AGTPBP1: variants seen among roughly 807,000 people sequenced by gnomAD.
AGTPBP1 encodes cytosolic carboxypeptidase 1.
Under a neutral mutation model 143.9 loss-of-function variants are expected in AGTPBP1, and 70 were observed. The observed-to-expected ratio is 0.49, with a 90% CI of 0.40 to 0.59. The LOEUF (loss-of-function observed/expected upper bound fraction) is 0.59, where lower values mean the gene tolerates loss of function less well. Ranked by LOEUF, AGTPBP1 falls within the 20% of genes least tolerant of loss-of-function variation. The pLI is 0.00. For synonymous variants in AGTPBP1, 463 were observed against 500.2 expected (o/e 0.93, Z 0.99); for missense variants, 1,229 against 1,464.5 (o/e 0.84, Z 2.62).
the AGTPBP1 span, among the ~76,000 whole-genome samples, chr9:85,755,195 A>G: frequency 1.4e-4 from 22 of 152,158 alleles, no homozygotes; most frequent in African/African-American, 4.8e-4. Context: ...ATTGTATGAT[A>G]GATTTCCAGA....
At position 85,727,385 on chromosome 9, in the gene AGTPBP1, G is replaced by A. The variant is rs115581683; in HGVS notation, c.-34+14390C>T. ...AGTGTTTTCTTCACAGAGAGATGCT[G>A]GTGTCAAAAGCCCTAGGAAAGGAAA... On this transcript the variant is annotated intron_variant, in intron 1 of 25. Transcript: ENST00000357081. 2.6e-3 allele frequency among the ~76,000 whole-genome samples: 401 copies of A among 152,138 alleles called. 3 individuals carry two copies. The highest frequency in any genetic ancestry group is 9.3e-3 in the African/African-American group (388 of 41,508).
intron 11 of AGTPBP1, among the ~76,000 whole-genome samples, chr9:85,654,341 A>G (rs1833356861): frequency 6.6e-6 from 1 of 152,182 alleles, no homozygotes; most frequent in Non-Finnish European, 1.5e-5. Flanking sequence ...ATTATATGGA[A>G]AATGACAAAC....
chr9:85,741,236 C>T, intron 1 of AGTPBP1: 1 of 985,468 alleles, frequency 1.0e-6, no homozygotes, highest in African/African-American at 1.7e-5. Flanking sequence ...CGAGAGGAAG[C>T]AAACGTGCCC....
chr9:85,773,627 C>T, the AGTPBP1 span, among the ~76,000 whole-genome samples: 10 of 151,930 alleles, frequency 6.6e-5, no homozygotes, highest in Admixed American at 2.6e-4. Context: ...CGTGAGCCAC[C>T]GTGCCTGGCC....
chr9:85,697,146 T>G (rs1000514487), intron 2 of AGTPBP1, among the ~76,000 whole-genome samples: 2 of 152,218 alleles, frequency 1.3e-5, no homozygotes, highest in African/African-American at 4.8e-5. Context: ...AACCCAGATA[T>G]GTCTTCTTTG....
chr9:85,743,672 G>A (rs1824519988), upstream of AGTPBP1, among the ~76,000 whole-genome samples: 1 of 152,140 alleles, frequency 6.6e-6, no homozygotes, highest in Non-Finnish European at 1.5e-5. Flanking sequence ...TGAGAGCTCA[G>A]CGGGTGGCAG....
At chr9:85,756,287 A>G in the AGTPBP1 span, 1 of 1,521,784 alleles carries the variant, frequency 6.6e-7, no homozygotes, top group Non-Finnish European at 8.8e-7. Flanking sequence ...TCTGGTTGTA[A>G]ACCACTCCCC....
At chr9:85,794,951 ACTG>A in the AGTPBP1 span, among the ~76,000 whole-genome samples, 1 of 152,184 alleles carries the variant, frequency 6.6e-6, no homozygotes, top group Non-Finnish European at 1.5e-5. Context: ...ACGAAATACA[ACTG>A]CTTTTTATAT....
At chr9:85,640,061 A>G (rs986277480) in intron 13 of AGTPBP1, among the ~76,000 whole-genome samples, 1 of 152,226 alleles carries the variant, frequency 6.6e-6, no homozygotes, top group Non-Finnish European at 1.5e-5. Context: ...TATACAAATG[A>G]AAGTGGAAAA....
At position 85,655,159 on chromosome 9, in the gene AGTPBP1, G is replaced by A; in HGVS notation, c.1071C>T (p.Tyr357=). 1 of 1,613,164 alleles carries A rather than the reference G, an allele frequency of 6.2e-7. No individual in the cohort carries two copies. The highest frequency in any genetic ancestry group is 8.5e-7 in the Non-Finnish European group (1 of 1,179,468). ...TGATCCTACCTTCAGGAGGTAAGCT[G>A]TAGAGCTGAGCCACAGGACCAGTCA... The part of the protein sequence containing the change: ...IPVTGPVAQL[Y]SLPPEVDDVV... The change falls in exon 11 of 26, where the codon TAC becomes TAT. Residue 357 remains tyrosine (Y), a synonymous_variant. Transcript: ENST00000357081.
At chr9:85,587,108 C>A in intron 21 of AGTPBP1, 148 bp from the exon 22 acceptor site, 1 of 861,880 alleles carries the variant, frequency 1.2e-6, no homozygotes, top group Non-Finnish European at 1.7e-6. Flanking sequence ...TAAGCTCAAC[C>A]AAATGCATAC....
At chr9:85,620,439 A>G (rs887097763) in intron 15 of AGTPBP1, among the ~76,000 whole-genome samples, 2 of 149,926 alleles carry the variant, frequency 1.3e-5, no homozygotes, top group South Asian at 2.1e-4. Flanking sequence ...AAAAAAAAAA[A>G]GGTGTTTTTT....
At chr9:85,798,970 G>C in the AGTPBP1 span, among the ~76,000 whole-genome samples, 2 of 152,028 alleles carry the variant, frequency 1.3e-5, no homozygotes, top group South Asian at 4.2e-4. Context: ...TTTACATTAG[G>C]TATACCTCCT....
chr9:85,756,382 G>A, the AGTPBP1 span: 3 of 969,206 alleles, frequency 3.1e-6, no homozygotes, highest in Admixed American at 4.1e-5. Context: ...TTCATACACT[G>A]CTGGTGAAAT....
intron 25 of AGTPBP1, among the ~76,000 whole-genome samples, chr9:85,558,901 G>T (rs1002953739): frequency 2.0e-5 from 3 of 152,168 alleles, no homozygotes; most frequent in African/African-American, 7.2e-5. Flanking sequence ...TTACAGGCGT[G>T]AGCCACTGCA....
intron 8 of AGTPBP1, among the ~76,000 whole-genome samples, chr9:85,661,239 AG>A (rs1437617257): frequency 2.0e-5 from 3 of 152,138 alleles, no homozygotes; most frequent in Admixed American, 6.6e-5. Context: ...ACAATGTCTA[AG>A]TATTTGTCAG....
chr9:85,722,816 C>T (rs2134635962), intron 1 of AGTPBP1, among the ~76,000 whole-genome samples: 1 of 152,212 alleles, frequency 6.6e-6, no homozygotes, highest in African/African-American at 2.4e-5. Context: ...TGGTTTTATC[C>T]ACCTTTGGCC....
intron 13 of AGTPBP1, among the ~76,000 whole-genome samples, chr9:85,639,288 G>A (rs1587802078): frequency 6.6e-6 from 1 of 151,862 alleles, no homozygotes; most frequent in East Asian, 1.9e-4. Flanking sequence ...ATACGATGCA[G>A]CAAAAACAGT....
intron 11 of AGTPBP1, among the ~76,000 whole-genome samples, chr9:85,651,639 T>G (rs1833169477): frequency 6.6e-6 from 1 of 152,222 alleles, no homozygotes; most frequent in South Asian, 2.1e-4. Context: ...CATAATTACT[T>G]CAGGAAGGGA....
Sources: gnomAD v4.1 joint callset for allele counts (sites outside exome capture counted in the v4.1 genomes callset) on GRCh38, gnomAD v4.1.1 for gene constraint, MANE v1.5 for transcripts, NCBI Gene and HGNC (gene_info 2026-07-23, HGNC 2026-07-21) for gene names.